CHUK: variants seen among roughly 807,000 people sequenced by gnomAD.
CHUK encodes the protein inhibitor of nuclear factor kappa-B kinase subunit alpha.
CHUK carries 35 observed loss-of-function variants against 104.8 expected under a neutral mutation model. The observed-to-expected ratio is 0.33, with a 90% CI of 0.26 to 0.44. CHUK has a LOEUF of 0.44. CHUK is among the 20% of genes least tolerant of loss of function. The probability of loss-of-function intolerance (pLI) is 1.00; values close to 1 mark genes in which losing one functional copy is unlikely to be tolerated. For synonymous variants in CHUK, 276 were observed against 291.9 expected (o/e 0.95, Z 0.56); for missense variants, 663 against 902.7 (o/e 0.73, Z 3.40).
intron 9 of CHUK, among the ~76,000 whole-genome samples, chr10:100,216,361 C>A (rs1845855060): frequency 6.6e-6 from 1 of 152,202 alleles, no homozygotes; most frequent in South Asian, 2.1e-4. Context: ...GGTATCTTTT[C>A]AGTGTTAGCC....
Sources: gnomAD v4.1 joint callset for allele counts (sites outside exome capture counted in the v4.1 genomes callset) on GRCh38, gnomAD v4.1.1 for gene constraint, MANE v1.5 for transcripts, NCBI Gene and HGNC (gene_info 2026-07-23, HGNC 2026-07-21) for gene names.